The following LDB2 variants were observed in gnomAD, a reference collection of about 807,000 sequenced individuals.
The protein encoded by LDB2 is LIM domain-binding protein 2.
In LDB2, 12 loss-of-function variants were observed where a neutral mutation model predicts 44.3. The observed-to-expected ratio is 0.27, with a 90% CI of 0.17 to 0.44. The LOEUF is 0.44. Ranked by LOEUF, LDB2 falls within the 20% of genes least tolerant of loss-of-function variation. LDB2 has a pLI of 1.00. For synonymous variants in LDB2, 164 were observed against 174.8 expected (o/e 0.94, Z 0.49); for missense variants, 344 against 473.5 (o/e 0.73, Z 2.54).
At chr4:16,875,614 A>C (rs996529845) in intron 1 of LDB2, among the ~76,000 whole-genome samples, 2 of 152,220 alleles carry the variant, frequency 1.3e-5, no homozygotes, top group Non-Finnish European at 2.9e-5. Flanking sequence ...AAGAGTCTCT[A>C]TCTAGAGTTA....
intron 1 of LDB2, among the ~76,000 whole-genome samples, chr4:16,897,504 G>A (rs189195467): frequency 2.1e-4 from 32 of 152,268 alleles, no homozygotes; most frequent in African/African-American, 5.3e-4. Flanking sequence ...CAGGAGGCGA[G>A]TCTGGAGTTT....
At chr4:16,896,660 T>G (rs1725115335) in intron 1 of LDB2, among the ~76,000 whole-genome samples, 1 of 152,220 alleles carries the variant, frequency 6.6e-6, no homozygotes, top group African/African-American at 2.4e-5. Context: ...TGGCCTCTTT[T>G]TTTATAACTA....
intron 1 of LDB2, among the ~76,000 whole-genome samples, chr4:16,785,743 C>T (rs1181944153): frequency 6.6e-6 from 1 of 152,158 alleles, no homozygotes; most frequent in African/African-American, 2.4e-5. Context: ...CCCACATCCA[C>T]ACCAATCAGA....
At position 16,833,862 on chromosome 4, in the gene LDB2, G is replaced by T. The variant is rs559032145; in HGVS notation, c.132+64492C>A. Among the ~76,000 whole-genome samples, 31 of 152,130 alleles carry T rather than the reference G, an allele frequency of 2.0e-4. No individual in the cohort carries two copies. In the South Asian group the frequency reaches 2.9e-3, roughly 14 times the overall value. The stretch of plus-strand genomic sequence containing the variant: ...CGCCCTCCTCATTTTCTATTACTCA[G>T]TCTATTCCAGCTCCGCAGCCCTTTG... On this transcript the variant is annotated intron_variant, in intron 1 of 7. Coordinates refer to ENST00000304523, the MANE Select transcript of LDB2 (RefSeq NM_001290.5).
chr4:16,558,490 C>T lies in LDB2; in HGVS notation c.615+27432G>A, dbSNP rs577783479. On this transcript the variant is annotated intron_variant, in intron 5 of 7. Coordinates refer to ENST00000304523, the MANE Select transcript of LDB2 (RefSeq NM_001290.5). ...GGAAGACGAAATGAATGAAATGAAGCGAGAAGGGAAGTTTAGAGAAAAAAG... is the reference window on the plus strand; with the variant it reads ...GGAAGACGAAATGAATGAAATGAAGTGAGAAGGGAAGTTTAGAGAAAAAAG... Among the ~76,000 whole-genome samples, 27 of 151,962 alleles carry T rather than the reference C, an allele frequency of 1.8e-4. No individual in the cohort carries two copies. The East Asian group carries it at 1.9e-3, about 11-fold the overall frequency.
At chr4:16,797,906 C>T (rs899096556) in intron 1 of LDB2, among the ~76,000 whole-genome samples, 1 of 151,692 alleles carries the variant, frequency 6.6e-6, no homozygotes, top group African/African-American at 2.4e-5. Context: ...ATGGTGACAT[C>T]CACCTGTAGC....
chr4:16,760,398 A>T (rs988924831), intron 1 of LDB2, among the ~76,000 whole-genome samples: 2 of 152,164 alleles, frequency 1.3e-5, no homozygotes, highest in African/African-American at 2.4e-5. Flanking sequence ...GCCACGGAAG[A>T]TTGATGCCGT....
At chr4:16,579,900 C>A (rs1163422367) in intron 5 of LDB2, among the ~76,000 whole-genome samples, 1 of 152,112 alleles carries the variant, frequency 6.6e-6, no homozygotes, top group Non-Finnish European at 1.5e-5. Flanking sequence ...AGTGGGGAGA[C>A]AATTCTTATA....
intron 1 of LDB2, among the ~76,000 whole-genome samples, chr4:16,777,226 A>G (rs1439593688): frequency 1.3e-5 from 2 of 152,098 alleles, no homozygotes; most frequent in African/African-American, 4.8e-5. Flanking sequence ...ATCAAATTAC[A>G]CCTGGGATGA....
chr4:16,644,412 T>C (rs7658622), intron 2 of LDB2, among the ~76,000 whole-genome samples: 1,985 of 152,054 alleles, frequency 0.013, 24 homozygotes, highest in South Asian at 0.036. Context: ...GTATTTCACA[T>C]GAACCAATTT....
At chr4:16,859,554 C>T (rs1711769509) in intron 1 of LDB2, among the ~76,000 whole-genome samples, 1 of 152,184 alleles carries the variant, frequency 6.6e-6, no homozygotes, top group South Asian at 2.1e-4. Context: ...TCTTTGCATC[C>T]TCATTAGGTG....
chr4:16,725,101 C>A (rs1237745573), intron 2 of LDB2, among the ~76,000 whole-genome samples: 1 of 152,132 alleles, frequency 6.6e-6, no homozygotes, highest in Non-Finnish European at 1.5e-5. Context: ...CATATAGAAG[C>A]AGCAGAACAG....
chr4:16,602,353 C>G (rs116669267), intron 2 of LDB2, among the ~76,000 whole-genome samples: 2,084 of 152,210 alleles, frequency 0.014, 55 homozygotes, highest in African/African-American at 0.047. Flanking sequence ...GGTCCAGGCC[C>G]AAGAACCACA....
intron 2 of LDB2, among the ~76,000 whole-genome samples, chr4:16,647,238 T>C (rs752420389): frequency 6.6e-6 from 1 of 152,270 alleles, no homozygotes; most frequent in Middle Eastern, 3.4e-3. Flanking sequence ...TTTGTTTATA[T>C]GAAATGTCCA....
At chr4:16,742,503 T>TTA (rs1360466675) in intron 2 of LDB2, among the ~76,000 whole-genome samples, 1 of 152,196 alleles carries the variant, frequency 6.6e-6, no homozygotes, top group Non-Finnish European at 1.5e-5. Flanking sequence ...AGAAAGGCAT[T>TTA]TTACAAGACA....
At chr4:16,765,646 A>C (rs1408591139) in intron 1 of LDB2, among the ~76,000 whole-genome samples, 2 of 152,210 alleles carry the variant, frequency 1.3e-5, no homozygotes, top group East Asian at 1.9e-4. Context: ...AAATGGACTA[A>C]ACAGATGATA....
intron 4 of LDB2, among the ~76,000 whole-genome samples, chr4:16,587,702 G>C (rs1717500078): frequency 6.6e-6 from 1 of 152,104 alleles, no homozygotes; most frequent in Non-Finnish European, 1.5e-5. Context: ...AGCCAGGAGT[G>C]GGACAGCTGG....
chr4:16,614,869 G>C (rs1726779175), intron 2 of LDB2, among the ~76,000 whole-genome samples: 1 of 150,790 alleles, frequency 6.6e-6, no homozygotes, highest in Non-Finnish European at 1.5e-5. Flanking sequence ...AGGAGATCGA[G>C]ACCATCCCGG....
At chr4:16,752,867 CT>C (rs1427473031) in intron 2 of LDB2, among the ~76,000 whole-genome samples, 1 of 151,066 alleles carries the variant, frequency 6.6e-6, no homozygotes, top group Non-Finnish European at 1.5e-5. Flanking sequence ...AATGTTATCT[CT>C]GTCTCAATGG....
Sources: allele counts gnomAD v4.1 joint callset (sites outside exome capture counted in the v4.1 genomes callset), GRCh38; gene constraint gnomAD v4.1.1; transcripts MANE v1.5; gene names NCBI Gene and HGNC (gene_info 2026-07-23, HGNC 2026-07-21).